The following MRPS31 variants were observed in gnomAD, a reference collection of about 807,000 sequenced individuals.
MRPS31 encodes mitochondrial ribosomal protein S31, also known as small ribosomal subunit protein mS31.
A neutral mutation model predicts 43.1 loss-of-function variants in MRPS31; 32 were observed. The ratio of observed to expected loss-of-function variants is 0.74; its 90% CI spans 0.56 to 1.00. The LOEUF (loss-of-function observed/expected upper bound fraction) is 1.00. Among genes scored for constraint, MRPS31 ranks in the 50% least tolerant of loss-of-function variants. The pLI is 0.00. For missense variants in MRPS31, 437 were observed against 466.7 expected, an observed-to-expected ratio of 0.94 and a Z score of 0.59; for synonymous variants, 165 against 161.6, an observed-to-expected ratio of 1.02 and a Z score of -0.16.
chr13:40,751,151 T>C (rs1411558785), intron 5 of MRPS31, among the ~76,000 whole-genome samples: 1 of 152,198 alleles, frequency 6.6e-6, no homozygotes, highest in Non-Finnish European at 1.5e-5. Flanking sequence ...CTAGATCATC[T>C]GATACTGGGA....
intron 6 of MRPS31, among the ~76,000 whole-genome samples, chr13:40,734,804 G>A (rs1879828806): frequency 2.6e-5 from 4 of 152,152 alleles, no homozygotes; most frequent in Admixed American, 2.6e-4. Context: ...GCTGAGATGG[G>A]AGGATCACTT....
intron 6 of MRPS31, among the ~76,000 whole-genome samples, chr13:40,733,916 G>T (rs1187766957): frequency 2.2e-5 from 3 of 139,336 alleles, no homozygotes; most frequent in Non-Finnish European, 4.5e-5. Context: ...CCAAGAATGT[G>T]CCACTGCACT....
intron 6 of MRPS31, among the ~76,000 whole-genome samples, chr13:40,748,250 C>A (rs867228651): frequency 2.6e-5 from 4 of 152,116 alleles, no homozygotes; most frequent in African/African-American, 7.2e-5. Flanking sequence ...TTCTGCCTCC[C>A]GGGTTCAAAC....
Position 40,729,342 on chromosome 13 carries a change from T to C in MRPS31, c.*30A>G, listed in dbSNP as rs1879593613. Reference sequence around the variant, plus strand: ...TTTATTTAGTTGTAATATCCATCTCTAATTGTTTGAAATAAAAATTTCCAT... The same window carrying C: ...TTTATTTAGTTGTAATATCCATCTCCAATTGTTTGAAATAAAAATTTCCAT... On this transcript the variant is annotated 3_prime_UTR_variant, in exon 7 of 7. Transcript: ENST00000323563. 8.9e-7 allele frequency: 1 copy of C among 1,117,464 alleles called. No individual in the cohort carries two copies. 69.2% of individuals were successfully genotyped at this position (1,117,464 alleles called of 1,614,324 possible). A position where few individuals can be genotyped will look rare whatever the true frequency, so the allele number is the denominator to read the frequency against.
At chr13:40,748,320 G>A (rs1305033152) in intron 6 of MRPS31, among the ~76,000 whole-genome samples, 5 of 152,144 alleles carry the variant, frequency 3.3e-5, no homozygotes, top group Non-Finnish European at 5.9e-5. Flanking sequence ...ATTATGCCTG[G>A]CTAATTTTGT....
At chr13:40,763,974 T>C (rs957238550) in intron 2 of MRPS31, among the ~76,000 whole-genome samples, 2 of 152,176 alleles carry the variant, frequency 1.3e-5, no homozygotes, top group Admixed American at 6.5e-5. Context: ...CCTCAGACGA[T>C]TCCAGATCCC....
intron 6 of MRPS31, among the ~76,000 whole-genome samples, chr13:40,736,818 TG>T (rs1386914098): frequency 6.7e-6 from 1 of 149,860 alleles, no homozygotes; most frequent in Non-Finnish European, 1.5e-5. Flanking sequence ...TACCAGCCGC[TG>T]CAAAATCATG....
chr13:40,747,972 T>C (rs777193104), intron 6 of MRPS31, among the ~76,000 whole-genome samples: 7 of 152,228 alleles, frequency 4.6e-5, no homozygotes, highest in Non-Finnish European at 8.8e-5. Context: ...GACTAAATAT[T>C]TCTGATACTT....
chr13:40,749,242 T>A lies in MRPS31; in HGVS notation c.854A>T (p.Gln285Leu). ...GGGTTGTTCATTTACTGTGGCTAACTGCTTAGCAAATTCCACATCCCAAAG... is the reference window on the plus strand; with the variant it reads ...GGGTTGTTCATTTACTGTGGCTAACAGCTTAGCAAATTCCACATCCCAAAG... ...PSLWDVEFAK[Q>L]LATVNEQPLQ... The change falls in exon 6 of 7, where the codon CAG (glutamine) becomes CTG (leucine). Residue 285 changes from glutamine (Q) to leucine (L), a missense_variant. Gln to Leu is a moderately radical substitution (Grantham distance 113). Transcript: ENST00000323563. 6.3e-7 allele frequency: 1 copy of A among 1,595,968 alleles called. No individual in the cohort carries two copies. Among genetic ancestry groups the A allele is most frequent in the Non-Finnish European group, 8.5e-7 (1 of 1,175,630 alleles).
chr13:40,748,376 C>T (rs1366869215), intron 6 of MRPS31, among the ~76,000 whole-genome samples: 2 of 152,182 alleles, frequency 1.3e-5, no homozygotes, highest in East Asian at 1.9e-4. Flanking sequence ...AGGCTGGTCT[C>T]GAACTCCTGA....
At position 40,771,157 on chromosome 13, in the gene MRPS31, C is replaced by G. The variant is rs756915511; in HGVS notation, c.-21G>C. 8.2e-6 allele frequency: 13 copies of G among 1,585,856 alleles called. No homozygotes were observed. In the South Asian group the frequency reaches 1.3e-4, roughly 15 times the overall value. On this transcript the variant is annotated 5_prime_UTR_variant, in exon 1 of 7. Coordinates refer to ENST00000323563, the MANE Select transcript of MRPS31 (RefSeq NM_005830.4). ...AACATCGCCGAGACACGAAATGAAC[C>G]AAGAACACAACTGAAATGGTGCGTC...
chr13:40,734,428 C>A (rs1455872973), intron 6 of MRPS31, among the ~76,000 whole-genome samples: 1 of 152,020 alleles, frequency 6.6e-6, no homozygotes, highest in East Asian at 1.9e-4. Flanking sequence ...GGACAAAAAA[C>A]AAAATTAACA....
chr13:40,764,923 T>C (rs1880801981), intron 2 of MRPS31, among the ~76,000 whole-genome samples: 1 of 152,180 alleles, frequency 6.6e-6, no homozygotes, highest in Non-Finnish European at 1.5e-5. Flanking sequence ...TGGGAGGTAG[T>C]GTAGCCATGG....
At chr13:40,768,381 T>C (rs1351362370) in intron 1 of MRPS31, among the ~76,000 whole-genome samples, 1 of 139,360 alleles carries the variant, frequency 7.2e-6, no homozygotes, top group Non-Finnish European at 1.5e-5. Context: ...AGGAGGGCAC[T>C]GACCTCCAAC....
At chr13:40,753,426 C>T (rs1188818103) in intron 5 of MRPS31, among the ~76,000 whole-genome samples, 2 of 152,182 alleles carry the variant, frequency 1.3e-5, no homozygotes, top group Non-Finnish European at 2.9e-5. Flanking sequence ...ATTCGGTAAT[C>T]GGTAGTACTT....
chr13:40,743,613 C>T (rs950840545), intron 6 of MRPS31, among the ~76,000 whole-genome samples: 10 of 152,150 alleles, frequency 6.6e-5, no homozygotes, highest in African/African-American at 2.4e-4. Context: ...CTCATTATCA[C>T]GGATCATCCG....
intron 6 of MRPS31, among the ~76,000 whole-genome samples, chr13:40,733,889 G>T (rs1879787532): frequency 6.6e-6 from 1 of 150,678 alleles, no homozygotes; most frequent in African/African-American, 2.5e-5. Context: ...AGCCTGGGAG[G>T]TCAAGGCTTC....
intron 6 of MRPS31, among the ~76,000 whole-genome samples, chr13:40,741,888 T>TACACACACACACACACACAC (rs61011673): frequency 7.1e-6 from 1 of 140,758 alleles, no homozygotes; most frequent in African/African-American, 2.7e-5. Context: ...AGTAACAAAA[T>TACACACACACACACACACAC]ACACACACAC....
chr13:40,756,819 TA>T (rs1880540080), intron 4 of MRPS31, 53 bp downstream of exon 4: 3 of 1,588,876 alleles, frequency 1.9e-6, no homozygotes, highest in Non-Finnish European at 2.6e-6. Flanking sequence ...AATCTACAGT[TA>T]AGGTAAAAAC....
Sources: allele counts gnomAD v4.1 joint callset (sites outside exome capture counted in the v4.1 genomes callset), GRCh38; gene constraint gnomAD v4.1.1; transcripts MANE v1.5; gene names NCBI Gene and HGNC (gene_info 2026-07-23, HGNC 2026-07-21).